MUC5AC: variants seen among roughly 807,000 people sequenced by gnomAD.
MUC5AC encodes the protein mucin 5AC, oligomeric mucus/gel-forming, also known as mucin-5AC.
Under a neutral mutation model 169.7 loss-of-function variants are expected in MUC5AC, and 158 were observed. The ratio of observed to expected loss-of-function variants is 0.93; its 90% CI spans 0.82 to 1.06. The LOEUF is 1.06. Ranked by LOEUF, MUC5AC falls within the 50% of genes least tolerant of loss-of-function variation. The pLI is 0.00. For synonymous variants in MUC5AC, 1,975 were observed against 1,237.0 expected (o/e 1.60, Z -12.52); for missense variants, 4,359 against 3,089.9 (o/e 1.41, Z -9.74).
chr11:1,193,124 A>G (rs35705491), intron 32 of MUC5AC, 142 bp downstream of exon 32: 96,362 of 593,202 alleles, frequency 0.16, 9,135 homozygotes, highest in Non-Finnish European at 0.19. Context: ...GGAGAGGGCC[A>G]TGCTGTAGCC....
In MUC5AC at chr11:1,194,669, C is replaced by G. The variant is rs769695038; in HGVS notation, c.15189C>G (p.Cys5063Trp). ...TTGCCAACAACACCGAGGGCCAGTG[C>G]GGTGAGGCCACAGGGCTCCCGGGCA... ...SKFANNTEGQ[C>W]GTCTNDRKDE... is the part of the protein sequence containing the mutation. The change falls in exon 35 of 49, where the codon TGC becomes TGG. Residue 5063 changes from cysteine (C) to tryptophan (W), a missense_variant and splice_region_variant. By Grantham distance (215) the Cys-to-Trp change is radical. Transcript: ENST00000621226. The G allele has an allele frequency of 1.3e-6, 1 of 754,186 alleles. No individual in the cohort carries two copies. The highest frequency in any genetic ancestry group is 2.4e-6 in the Non-Finnish European group (1 of 410,918). The allele number at this position is 754,186 out of a possible 1,614,324, so 46.7% of individuals were successfully genotyped here.
chr11:1,195,388 C>A (rs942646497), intron 36 of MUC5AC, 109 bp downstream of exon 36: 29 of 607,678 alleles, frequency 4.8e-5, no homozygotes, highest in Non-Finnish European at 9.3e-6. Context: ...TGAGAGGAAA[C>A]GAGAGCTGCT....
intron 28 of MUC5AC, 89 bp from the exon 29 acceptor site, chr11:1,181,050 C>A (rs1860805732): frequency 1.0e-5 from 4 of 398,340 alleles, no homozygotes; most frequent in Non-Finnish European, 1.8e-5. Context: ...GTCGGAGCTG[C>A]TCCCTGCCCG....
At chr11:1,195,640 GGAA>G (rs55898663) in intron 36 of MUC5AC, among the ~76,000 whole-genome samples, 40,534 of 148,906 alleles carry the variant, frequency 0.27, 6,239 homozygotes, top group African/African-American at 0.41. Flanking sequence ...GGGGGGGCCA[GGAA>G]GAAGAACTTG....
chr11:1,196,521 C>T, intron 38 of MUC5AC, 46 bp downstream of exon 38: 1 of 764,572 alleles, frequency 1.3e-6, no homozygotes, highest in Admixed American at 1.7e-5. Flanking sequence ...CTGGAGCCAC[C>T]CAGTCCCCAG....
chr11:1,173,363 CTTCATTCA>C (rs1472086233), intron 16 of MUC5AC, among the ~76,000 whole-genome samples: 1 of 145,882 alleles, frequency 6.9e-6, no homozygotes, highest in South Asian at 2.3e-4. Flanking sequence ...TCACTCATTC[CTTCATTCA>C]TTCCTTCACT....
rs770063541 is a variant in MUC5AC at position 1,158,047 on chromosome 11, C to G, written c.48C>G (p.Leu16=). The change falls in exon 1 of 49, where the codon CTC becomes CTG. Residue 16 remains leucine (L), a synonymous_variant. Coordinates refer to ENST00000621226, the MANE Select transcript of MUC5AC (RefSeq NM_001304359.2). ...RKLALLWALA[L]ALACTRHTGH... is the part of the protein sequence containing the mutation. ...TGGCCCTGCTCTGGGCCCTGGCTCT[C>G]GCTCTGGCCTGCACCCGGCATACAG... 6.2e-7 allele frequency: 1 copy of G among 1,608,242 alleles called. No individual in the cohort carries two copies. Among genetic ancestry groups the G allele is most frequent in the Non-Finnish European group, 8.5e-7 (1 of 1,178,416 alleles).
rs1481735294 is a variant in MUC5AC at position 1,167,843 on chromosome 11, AGT to A, written c.1387-30_1387-29del. 1.0e-5 allele frequency: 16 copies of A among 1,527,636 alleles called. No homozygotes were observed. The Admixed American group carries it at 2.9e-4, about 28-fold the overall frequency. 94.6% of individuals were successfully genotyped at this position (1,527,636 alleles called of 1,614,324 possible). A position where few individuals can be genotyped will look rare whatever the true frequency, so the allele number is the denominator to read the frequency against. ...GCCAGGTGGGCTGGGCGTTGGATGGAGTGTGAGGACCCCTGGTGTGTCGTGTT... is the reference window on the plus strand; with the variant it reads ...GCCAGGTGGGCTGGGCGTTGGATGGAGTGAGGACCCCTGGTGTGTCGTGTT... On this transcript the variant is annotated intron_variant, in intron 11 of 48. Coordinates refer to ENST00000621226, the MANE Select transcript of MUC5AC (RefSeq NM_001304359.2).
At chr11:1,160,763 GCCAC>G in intron 2 of MUC5AC, 74 bp downstream of exon 2, 1 of 1,453,208 alleles carries the variant, frequency 6.9e-7, no homozygotes. Flanking sequence ...GGCCCCTAGG[GCCAC>G]TGGTCTTAGG....
intron 28 of MUC5AC, among the ~76,000 whole-genome samples, 188 bp downstream of exon 28, chr11:1,180,704 C>T (rs1298981481): frequency 6.6e-6 from 1 of 152,158 alleles, no homozygotes; most frequent in Non-Finnish European, 1.5e-5. Flanking sequence ...CCCCCATGTC[C>T]TGAGTCCCAG....
Position 1,198,303 on chromosome 11 carries a change from C to T in MUC5AC, c.16171C>T (p.Gln5391Ter), listed in dbSNP as rs757928576. The T allele has an allele frequency of 1.3e-6, 1 of 752,058 alleles. No homozygotes were observed. The highest frequency in any genetic ancestry group is 1.4e-5 in the South Asian group (1 of 72,274). The allele number at this position is 752,058 out of a possible 1,614,324, so 46.6% of individuals were successfully genotyped here. Residue 5391 changes from glutamine to a stop codon, truncating the protein, a stop_gained and splice_region_variant, in exon 43 of 49, where the codon CAG (glutamine) becomes TAG (stop). Transcript: ENST00000621226. LOFTEE classifies it high-confidence loss of function. ...GTGCAGCATCAACGGGACCCTGTAC[C>T]AGGTAAGAGCCACGGAGCTCAGACC... ...TVCSINGTLYQPGAVVSSSLC... is the reference protein window; with the variant it reads ...TVCSINGTLY
rs1214632653 is a variant in MUC5AC at position 1,183,748 on chromosome 11, C to T, written c.5603C>T (p.Thr1868Ile). ...CCAGCCCAGACCACTCCTTCAACAA[C>T]CTCCAAGACCACTGAAACCCAGGCC... is the stretch of plus-strand genomic sequence containing the variant. ...SSPAQTTPST[T>I]SKTTETQASG... Residue 1868 changes from threonine (T) to isoleucine (I), a missense_variant, in exon 31 of 49, where the codon ACC becomes ATC. Physicochemically the swap from Thr to Ile is moderately conservative, Grantham distance 89. Coordinates refer to ENST00000621226, the MANE Select transcript of MUC5AC (RefSeq NM_001304359.2). 5 of 492,252 alleles carry T rather than the reference C, an allele frequency of 1.0e-5. No individual in the cohort carries two copies. The highest frequency in any genetic ancestry group is 1.8e-5 in the Non-Finnish European group (5 of 282,962). The allele number at this position is 492,252 out of a possible 1,614,324, so 30.5% of individuals were successfully genotyped here.
Position 1,165,389 on chromosome 11 carries a change from G to A in MUC5AC, c.1217G>A (p.Gly406Glu), listed in dbSNP as rs1177086925. Residue 406 changes from glycine to glutamate, a missense_variant, in exon 10 of 49, where the codon GGG becomes GAG. Gly to Glu is a moderately conservative substitution (Grantham distance 98). Coordinates refer to ENST00000621226, the MANE Select transcript of MUC5AC (RefSeq NM_001304359.2). ...TACAACGGGGCTGCCTATGCCCCAGGGGCCACCTACTCCACAGACTGCACC... is the reference window on the plus strand; with the variant it reads ...TACAACGGGGCTGCCTATGCCCCAGAGGCCACCTACTCCACAGACTGCACC... ...CVYNGAAYAP[G>E]ATYSTDCTNC... The A allele has an allele frequency of 6.2e-7, 1 of 1,612,416 alleles. No homozygotes were observed. Among genetic ancestry groups the A allele is most frequent in the Admixed American group, 1.7e-5 (1 of 60,014 alleles).
In MUC5AC at chr11:1,165,361, G is replaced by T. The variant is rs371703006; in HGVS notation, c.1189G>T (p.Val397Phe). The T allele has an allele frequency of 1.2e-6, 2 of 1,612,358 alleles. No homozygotes were observed. Among genetic ancestry groups the T allele is most frequent in the Admixed American group, 3.3e-5 (2 of 60,000 alleles). Residue 397 changes from valine (V) to phenylalanine (F), a missense_variant, in exon 10 of 49, where the codon GTC becomes TTC. Val to Phe is a conservative substitution (Grantham distance 50). Coordinates refer to ENST00000621226, the MANE Select transcript of MUC5AC (RefSeq NM_001304359.2). Reference protein sequence around the residue: ...GCVPVSKCACVYNGAAYAPGA... With the variant: ...GCVPVSKCACFYNGAAYAPGA... ...TGTCCCTGTGTCAAAGTGTGCCTGC[G>T]TCTACAACGGGGCTGCCTATGCCCC...
At position 1,187,576 on chromosome 11, in the gene MUC5AC, C is replaced by A. The variant is rs1860984492; in HGVS notation, c.9431C>A (p.Ser3144Tyr). Residue 3144 changes from serine (S) to tyrosine (Y), a missense_variant, in exon 31 of 49, where the codon TCT becomes TAT. Coordinates refer to ENST00000621226, the MANE Select transcript of MUC5AC (RefSeq NM_001304359.2). ...SPPTTSTTSASTASKTSGPGT... is the reference protein window; with the variant it reads ...SPPTTSTTSAYTASKTSGPGT... ...CCTACAACCAGCACAACTTCTGCCT[C>A]TACAGCCAGCAAAACCTCTGGTCCT... 2 of 756,950 alleles carry A rather than the reference C, an allele frequency of 2.6e-6. No individual in the cohort carries two copies. Among genetic ancestry groups the A allele is most frequent in the Admixed American group, 1.7e-5 (1 of 57,310 alleles). 46.9% of individuals were successfully genotyped at this position (756,950 alleles called of 1,614,324 possible).
chr11:1,194,528 A>T lies in MUC5AC; in HGVS notation c.15048A>T (p.Lys5016Asn), dbSNP rs776477854. 1 of 763,368 alleles carries T rather than the reference A, an allele frequency of 1.3e-6. No individual in the cohort carries two copies. Among genetic ancestry groups the T allele is most frequent in the South Asian group, 1.3e-5 (1 of 74,424 alleles). 47.3% of individuals were successfully genotyped at this position (763,368 alleles called of 1,614,324 possible). The part of the protein sequence containing the change: ...NNKVVSPGFR[K>N]NGIVVSRIGV... ...AGGTGGTCAGCCCCGGCTTCCGGAA[A>T]AACGGCATCGTGGTCTCGCGCATCG... The change falls in exon 35 of 49, where the codon AAA (lysine) becomes AAT (asparagine). Residue 5016 changes from lysine to asparagine, a missense_variant. By Grantham distance (94) the Lys-to-Asn change is moderately conservative (BLOSUM62 0). Transcript: ENST00000621226.
At chr11:1,160,727 A>G in intron 2 of MUC5AC, 38 bp downstream of exon 2, 1 of 1,579,768 alleles carries the variant, frequency 6.3e-7, no homozygotes, top group Non-Finnish European at 8.6e-7. Context: ...TAAGCCTGTC[A>G]GATTCCACCC....
intron 26 of MUC5AC, 112 bp downstream of exon 26, chr11:1,179,360 TAAAC>T (rs1860758853): frequency 4.3e-6 from 2 of 463,840 alleles, no homozygotes; most frequent in East Asian, 6.6e-5. Context: ...GGTTTCCAAA[TAAAC>T]AGAAACACCT....
rs1861354828 is a variant in MUC5AC at position 1,198,978 on chromosome 11, C to T, written c.16278C>T (p.Cys5426=). The change falls in exon 44 of 49, where the codon TGC becomes TGT. Residue 5426 remains cysteine (C), a synonymous_variant. Transcript: ENST00000621226. ...TGGTCAGCTGTGAGACCCAGATCTG[C>T]AACACACACTGCCCTGTGGTGAGCG... ...AFVVSCETQI[C]NTHCPVGFEY... 1 of 764,288 alleles carries T rather than the reference C, an allele frequency of 1.3e-6. No homozygotes were observed. Among genetic ancestry groups the T allele is most frequent in the African/African-American group, 1.7e-5 (1 of 59,082 alleles). The allele number at this position is 764,288 out of a possible 1,614,324, so 47.3% of individuals were successfully genotyped here.
Sources: allele counts gnomAD v4.1 joint callset (sites outside exome capture counted in the v4.1 genomes callset), GRCh38; gene constraint gnomAD v4.1.1; transcripts MANE v1.5; gene names NCBI Gene and HGNC (gene_info 2026-07-23, HGNC 2026-07-21).